Variants in OR4N2 observed in about 807,000 individuals in gnomAD.
The protein encoded by OR4N2 is olfactory receptor 4N2.
For synonymous variants in OR4N2, 141 were observed against 140.4 expected (o/e 1.00, Z -0.03); for missense variants, 307 against 377.6 (o/e 0.81, Z 1.55).
At chr14:19,819,939 G>C (rs1461143046) in intron 1 of OR4N2, among the ~76,000 whole-genome samples, 1 of 152,250 alleles carries the variant, frequency 6.6e-6, no homozygotes, top group East Asian at 1.9e-4. Flanking sequence ...TAACAGTCAG[G>C]CCCCTCTGCT....
At chr14:19,820,730 G>A (rs1239341751) in intron 1 of OR4N2, among the ~76,000 whole-genome samples, 1 of 152,272 alleles carries the variant, frequency 6.6e-6, no homozygotes, top group African/African-American at 2.4e-5. Context: ...TTTACACTGT[G>A]AAGGGAAAAG....
chr14:19,808,933 T>C (rs1401273326), intron 1 of OR4N2, among the ~76,000 whole-genome samples: 1 of 152,042 alleles, frequency 6.6e-6, no homozygotes, highest in African/African-American at 2.4e-5. Flanking sequence ...CATTGACCCA[T>C]AGAACAGAAT....
intron 1 of OR4N2, among the ~76,000 whole-genome samples, chr14:19,817,581 T>C (rs527894809): frequency 6.6e-6 from 1 of 152,338 alleles, no homozygotes; most frequent in Non-Finnish European, 1.5e-5. Context: ...TCTTCTTTCT[T>C]TTCTTCATTA....
At chr14:19,823,985 C>A (rs112778870) in intron 1 of OR4N2, among the ~76,000 whole-genome samples, 1,475 of 151,990 alleles carry the variant, frequency 9.7e-3, no homozygotes, top group African/African-American at 0.032. Flanking sequence ...CTCCACCCTG[C>A]AAATGTGGTG....
At chr14:19,805,874 C>A (rs189586901) in intron 1 of OR4N2, among the ~76,000 whole-genome samples, 2 of 152,148 alleles carry the variant, frequency 1.3e-5, no homozygotes, top group Admixed American at 1.3e-4. Flanking sequence ...AGCAGCAGAA[C>A]TTTCAGCAGA....
intron 1 of OR4N2, among the ~76,000 whole-genome samples, chr14:19,822,707 T>C (rs1879597492): frequency 6.6e-6 from 1 of 152,276 alleles, no homozygotes; most frequent in Non-Finnish European, 1.5e-5. Flanking sequence ...TAACTACTTT[T>C]AACATCTAAA....
At chr14:19,810,960 A>T (rs1166751499) in intron 1 of OR4N2, among the ~76,000 whole-genome samples, 2 of 152,266 alleles carry the variant, frequency 1.3e-5, no homozygotes, top group Non-Finnish European at 2.9e-5. Context: ...CAAAATCTAA[A>T]TAGGAATATA....
intron 1 of OR4N2, among the ~76,000 whole-genome samples, chr14:19,824,689 C>A (rs1210021464): frequency 6.6e-6 from 1 of 152,200 alleles, no homozygotes; most frequent in Non-Finnish European, 1.5e-5. Flanking sequence ...AAGACAACAA[C>A]GATATGAACT....
rs1879766423 is a variant in OR4N2 at position 19,828,068 on chromosome 14, C to T, written c.620C>T (p.Thr207Ile). ...ATGGTCTTCAACAGTGGCCTGATGA[C>T]ACTCCTGTGCTTTCTGGGGCTTCTG... is the stretch of plus-strand genomic sequence containing the variant. ...LLMVFNSGLMTLLCFLGLLAS... is the reference protein window; with the variant it reads ...LLMVFNSGLMILLCFLGLLAS... Residue 207 changes from threonine (T) to isoleucine (I), a missense_variant, in exon 2 of 2, where the codon ACA becomes ATA. Coordinates refer to ENST00000557677, the MANE Select transcript of OR4N2 (RefSeq NM_001004723.3). 6.2e-7 allele frequency: 1 copy of T among 1,614,122 alleles called. No homozygotes were observed. The highest frequency in any genetic ancestry group is 1.7e-5 in the Admixed American group (1 of 60,010).
chr14:19,823,640 C>T (rs1879621098), intron 1 of OR4N2, among the ~76,000 whole-genome samples: 1 of 151,364 alleles, frequency 6.6e-6, no homozygotes, highest in Non-Finnish European at 1.5e-5. Context: ...AGAGTGAAAA[C>T]ATATCAGAGT....
At position 19,811,245 on chromosome 14, in the gene OR4N2, T is replaced by A. The variant is rs1202030890; in HGVS notation, c.-10+7401T>A. ...TCTCAAAAACATACACATATGATTT[T>A]ATTTTATTTTTATTTTTTTGAGATG... On this transcript the variant is annotated intron_variant, in intron 1 of 1. Transcript: ENST00000557677. 2.6e-5 allele frequency among the ~76,000 whole-genome samples: 4 copies of A among 152,242 alleles called. No homozygotes were observed. The East Asian group carries it at 7.7e-4, about 29-fold the overall frequency.
At chr14:19,812,600 C>T (rs376538264) in intron 1 of OR4N2, among the ~76,000 whole-genome samples, 55 of 152,252 alleles carry the variant, frequency 3.6e-4, no homozygotes, top group African/African-American at 1.3e-3. Flanking sequence ...CTTCGTGATC[C>T]GCCCACCTCG....
At chr14:19,815,655 G>GTTTTTTTTTTTTTTTTTTTTTTTTTT (rs59019427) in intron 1 of OR4N2, among the ~76,000 whole-genome samples, 4 of 138,520 alleles carry the variant, frequency 2.9e-5, no homozygotes, top group African/African-American at 2.7e-5. Flanking sequence ...GTTTTTTTTT[G>GTTTTTTTTTTTTTTTTTTTTTTTTTT]TTTTTTTTTT....
chr14:19,814,199 T>C (rs1212809845), intron 1 of OR4N2, among the ~76,000 whole-genome samples: 25 of 152,218 alleles, frequency 1.6e-4, no homozygotes, highest in Admixed American at 1.6e-3. Context: ...ACTCAATTAA[T>C]TTTTAAAATT....
chr14:19,817,531 G>T (rs1879456319), intron 1 of OR4N2, among the ~76,000 whole-genome samples: 1 of 152,202 alleles, frequency 6.6e-6, no homozygotes, highest in Non-Finnish European at 1.5e-5. Flanking sequence ...TGGGATCAGT[G>T]GTGATACCCC....
chr14:19,826,131 C>A (rs557571996), intron 1 of OR4N2, among the ~76,000 whole-genome samples: 2 of 152,080 alleles, frequency 1.3e-5, no homozygotes, highest in Non-Finnish European at 2.9e-5. Context: ...TGTTATACAC[C>A]GACTAAATAT....
intron 1 of OR4N2, among the ~76,000 whole-genome samples, chr14:19,805,196 C>A (rs1170166390): frequency 6.6e-6 from 1 of 151,924 alleles, no homozygotes; most frequent in East Asian, 1.9e-4. Context: ...CATTTACATT[C>A]AAGGTCATTC....
chr14:19,825,731 T>G (rs1327640691), intron 1 of OR4N2, among the ~76,000 whole-genome samples: 1 of 152,072 alleles, frequency 6.6e-6, no homozygotes, highest in Non-Finnish European at 1.5e-5. Flanking sequence ...AATTTTTTTG[T>G]ATTTTTTTAG....
At chr14:19,807,067 A>AT (rs545087444) in intron 1 of OR4N2, among the ~76,000 whole-genome samples, 3 of 150,446 alleles carry the variant, frequency 2.0e-5, no homozygotes, top group Non-Finnish European at 4.4e-5. Flanking sequence ...GGAAATAAAT[A>AT]TTTTTTAAAT....
Sources: allele counts gnomAD v4.1 joint callset (sites outside exome capture counted in the v4.1 genomes callset), GRCh38; gene constraint gnomAD v4.1.1; transcripts MANE v1.5; gene names NCBI Gene and HGNC (gene_info 2026-07-23, HGNC 2026-07-21).